The following GPC5 variants were observed in gnomAD, a reference collection of about 807,000 sequenced individuals.
The protein encoded by GPC5 is glypican 5.
In GPC5, 47 loss-of-function variants were observed where a neutral mutation model predicts 53.9. That is an observed-to-expected ratio of 0.87 (90% CI 0.69 to 1.11). GPC5 has a LOEUF of 1.11. Ranked by LOEUF, GPC5 falls within the 50% of genes most tolerant of loss-of-function variation. The pLI is 0.00. For missense variants in GPC5, 748 were observed against 713.1 expected, an observed-to-expected ratio of 1.05 and a Z score of -0.56; for synonymous variants, 286 against 263.3, an observed-to-expected ratio of 1.09 and a Z score of -0.84.
intron 7 of GPC5, among the ~76,000 whole-genome samples, chr13:92,808,513 T>A (rs543780094): frequency 1.2e-4 from 18 of 152,190 alleles, no homozygotes; most frequent in African/African-American, 4.3e-4. Context: ...CAACCTCACA[T>A]CTGAGTACAT....
At chr13:91,803,347 T>C (rs972063222) in intron 5 of GPC5, among the ~76,000 whole-genome samples, 7 of 152,212 alleles carry the variant, frequency 4.6e-5, no homozygotes, top group Admixed American at 4.6e-4. Context: ...TTAATATTTT[T>C]GTATTTAATA....
intron 7 of GPC5, among the ~76,000 whole-genome samples, chr13:92,542,101 C>G (rs761581904): frequency 6.6e-5 from 10 of 151,924 alleles, no homozygotes; most frequent in Admixed American, 1.3e-4. Flanking sequence ...CATAATGTAT[C>G]AATAGCTTTA....
chr13:91,991,298 ACT>A (rs1311684231), intron 6 of GPC5, among the ~76,000 whole-genome samples: 10 of 152,074 alleles, frequency 6.6e-5, no homozygotes, highest in Non-Finnish European at 1.3e-4. Context: ...CAGTTCGATG[ACT>A]CTGTCTTGCA....
intron 6 of GPC5, among the ~76,000 whole-genome samples, chr13:92,077,984 T>G (rs200092288): frequency 1.9e-5 from 1 of 51,974 alleles, no homozygotes; most frequent in African/African-American, 4.1e-5. Flanking sequence ...TAGATAGATA[T>G]ACATACATAC....
chr13:91,440,655 A>G (rs1019284963), intron 1 of GPC5, among the ~76,000 whole-genome samples: 3 of 152,026 alleles, frequency 2.0e-5, no homozygotes, highest in African/African-American at 7.2e-5. Context: ...GTAATTTTAG[A>G]TTGTCCCTTG....
intron 6 of GPC5, among the ~76,000 whole-genome samples, chr13:91,989,934 T>TA (rs549639982): frequency 1.3e-5 from 2 of 151,966 alleles, no homozygotes; most frequent in African/African-American, 2.4e-5. Context: ...TGAAGAGAAT[T>TA]AAAAAAAACT....
chr13:92,161,935 G>C (rs1004750007), intron 7 of GPC5, among the ~76,000 whole-genome samples: 2 of 124,824 alleles, frequency 1.6e-5, no homozygotes, highest in Non-Finnish European at 3.3e-5. Flanking sequence ...AATTATATTT[G>C]CCTATTAAGT....
At chr13:91,914,547 A>G (rs185460444) in intron 6 of GPC5, among the ~76,000 whole-genome samples, 4 of 152,136 alleles carry the variant, frequency 2.6e-5, no homozygotes, top group South Asian at 2.1e-4. Flanking sequence ...TAGATTTTCT[A>G]TAATATGTAT....
intron 3 of GPC5, among the ~76,000 whole-genome samples, chr13:91,709,856 A>T (rs1031858770): frequency 6.6e-6 from 1 of 152,162 alleles, no homozygotes; most frequent in Non-Finnish European, 1.5e-5. Flanking sequence ...GACCACAGCA[A>T]TTGTCTCCAA....
chr13:91,672,389 C>T (rs754608409), intron 2 of GPC5, among the ~76,000 whole-genome samples: 6 of 152,094 alleles, frequency 3.9e-5, no homozygotes, highest in Admixed American at 6.5e-5. Flanking sequence ...AACAATGTTA[C>T]AAGAAGAAAG....
intron 5 of GPC5, among the ~76,000 whole-genome samples, chr13:91,870,766 T>C (rs2039135472): frequency 6.6e-6 from 1 of 152,364 alleles, no homozygotes; most frequent in South Asian, 2.1e-4. Flanking sequence ...ATTTGAGTTA[T>C]TTTTTTCTGG....
chr13:92,518,620 T>C (rs1462769113), intron 7 of GPC5, among the ~76,000 whole-genome samples: 1 of 152,208 alleles, frequency 6.6e-6, no homozygotes, highest in African/African-American at 2.4e-5. Context: ...AAGAGGCTCC[T>C]GAAGGAAACA....
intron 7 of GPC5, among the ~76,000 whole-genome samples, chr13:92,743,428 TTGATTTTGTATCC>T (rs1410947997): frequency 6.6e-6 from 1 of 152,182 alleles, no homozygotes; most frequent in Non-Finnish European, 1.5e-5. Flanking sequence ...TTTTTGCACA[TTGATTTTGTATCC>T]TGAGACTTTG....
intron 7 of GPC5, among the ~76,000 whole-genome samples, chr13:92,174,271 C>A (rs908857527): frequency 3.3e-5 from 5 of 151,682 alleles, no homozygotes; most frequent in African/African-American, 1.2e-4. Flanking sequence ...CCTGTGATTC[C>A]AGCGCTTTGG....
intron 5 of GPC5, among the ~76,000 whole-genome samples, chr13:91,791,605 TCAACAATTACATGTTGATGTTTAATTAC>T (rs1350928568): frequency 1.7e-4 from 11 of 65,808 alleles, no homozygotes; most frequent in African/African-American, 1.3e-3. Context: ...TTGCTTTACA[TCAACAATTACATGTTGATGTTTAATTAC>T]ATCAACAATT....
chr13:92,518,488 A>G (rs1225030833), intron 7 of GPC5, among the ~76,000 whole-genome samples: 1 of 152,208 alleles, frequency 6.6e-6, no homozygotes, highest in East Asian at 1.9e-4. Flanking sequence ...TTCTTAAAGA[A>G]AAGAATTTTC....
At chr13:92,400,165 T>C (rs1195976501) in intron 7 of GPC5, among the ~76,000 whole-genome samples, 1 of 152,192 alleles carries the variant, frequency 6.6e-6, no homozygotes, top group Non-Finnish European at 1.5e-5. Flanking sequence ...TCTATGAGAT[T>C]CTGGACCCTA....
At chr13:91,617,655 TCTCC>T (rs2033734821) in intron 2 of GPC5, among the ~76,000 whole-genome samples, 1 of 152,084 alleles carries the variant, frequency 6.6e-6, no homozygotes, top group Non-Finnish European at 1.5e-5. Flanking sequence ...TCCTTTCTTT[TCTCC>T]CTCCTTCCTT....
At chr13:91,622,157 A>G (rs923766264) in intron 2 of GPC5, among the ~76,000 whole-genome samples, 1 of 151,910 alleles carries the variant, frequency 6.6e-6, no homozygotes, top group Non-Finnish European at 1.5e-5. Flanking sequence ...GGGTAGGTCT[A>G]CCTCTCCCAG....
Sources: gnomAD v4.1 joint callset for allele counts (sites outside exome capture counted in the v4.1 genomes callset) on GRCh38, gnomAD v4.1.1 for gene constraint, MANE v1.5 for transcripts, NCBI Gene and HGNC (gene_info 2026-07-23, HGNC 2026-07-21) for gene names.